The following LEO1 variants were observed in gnomAD, a reference collection of about 807,000 sequenced individuals.
LEO1 encodes the protein LEO1 component of Paf1/RNA polymerase II complex.
A neutral mutation model predicts 80.4 loss-of-function variants in LEO1; 34 were observed. The observed-to-expected ratio is 0.42, with a 90% confidence interval of 0.32 to 0.56. The LOEUF (loss-of-function observed/expected upper bound fraction) is 0.56. Ranked by LOEUF, LEO1 falls within the 20% of genes least tolerant of loss-of-function variation. The pLI, the probability that LEO1 is intolerant of heterozygous loss-of-function variation, is 0.10. For synonymous variants in LEO1, 262 were observed against 274.9 expected (o/e 0.95, Z 0.46); for missense variants, 631 against 814.2 (o/e 0.77, Z 2.74).
intron 6 of LEO1, among the ~76,000 whole-genome samples, chr15:51,956,824 A>T (rs2056993125): frequency 6.6e-6 from 1 of 152,122 alleles, no homozygotes. Context: ...ATACATATTT[A>T]TAAATTTTTT....
At chr15:51,958,706 A>G in intron 6 of LEO1, 36 bp downstream of exon 6, 1 of 1,358,414 alleles carries the variant, frequency 7.4e-7, no homozygotes, top group East Asian at 2.3e-5. Flanking sequence ...GTTTTACTTT[A>G]TAAAAGAAAA....
At chr15:51,952,814 A>G (rs2056959999) in intron 8 of LEO1, among the ~76,000 whole-genome samples, 1 of 152,232 alleles carries the variant, frequency 6.6e-6, no homozygotes. Flanking sequence ...AAAACAAAGG[A>G]CACACTGGCT....
chr15:51,963,372 GA>G (rs911482342), intron 2 of LEO1, among the ~76,000 whole-genome samples: 1 of 151,692 alleles, frequency 6.6e-6, no homozygotes, highest in Non-Finnish European at 1.5e-5. Flanking sequence ...AAATTTCAGG[GA>G]AAAAAAGGTA....
intron 11 of LEO1, among the ~76,000 whole-genome samples, chr15:51,939,137 A>G (rs1420444809): frequency 1.3e-5 from 2 of 152,248 alleles, no homozygotes; most frequent in Admixed American, 6.5e-5. Flanking sequence ...GTAAGCTGAG[A>G]TCGCACCACT....
In LEO1 at chr15:51,962,410, T is replaced by C. The variant is rs1432042883; in HGVS notation, c.898A>G (p.Ser300Gly). Residue 300 changes from serine to glycine, a missense_variant, in exon 3 of 12, where the codon AGT (serine) becomes GGT (glycine). Around this residue, in one of 4 missense-constraint regions of LEO1, gnomAD observed 394 missense variants for 395.6 expected, o/e 1.00. Transcript: ENST00000299601. ...ATACCTTTTGGCACCTCAGTGTCAC[T>C]ATCCGCTTCTGAATCAGATGCAATC... is the stretch of plus-strand genomic sequence containing the variant. ...NAIASDSEAD[S>G]DTEVPKDNSG... The C allele has an allele frequency of 6.2e-7, 1 of 1,612,036 alleles. No individual in the cohort carries two copies. Among genetic ancestry groups the C allele is most frequent in the Admixed American group, 1.7e-5 (1 of 60,000 alleles).
intron 3 of LEO1, among the ~76,000 whole-genome samples, chr15:51,961,674 G>A (rs922585573): frequency 7.3e-5 from 11 of 151,680 alleles, no homozygotes; most frequent in Admixed American, 1.3e-4. Context: ...GATTACAGGC[G>A]TGAGCCACTG....
chr15:51,956,695 C>T (rs988110449), intron 6 of LEO1, among the ~76,000 whole-genome samples: 1 of 152,138 alleles, frequency 6.6e-6, no homozygotes, highest in Admixed American at 6.6e-5. Flanking sequence ...TAGTCTTAAA[C>T]ATCACTCAAG....
intron 1 of LEO1, among the ~76,000 whole-genome samples, chr15:51,967,481 A>G (rs2057087264): frequency 1.3e-5 from 2 of 152,226 alleles, no homozygotes; most frequent in South Asian, 4.1e-4. Context: ...TCAAAAGAAT[A>G]AATAAATGAT....
chr15:51,968,056 C>T (rs922814893), intron 1 of LEO1, among the ~76,000 whole-genome samples: 15 of 151,678 alleles, frequency 9.9e-5, no homozygotes, highest in African/African-American at 2.9e-4. Context: ...TGGTGGCTTA[C>T]GCCTGTGAGC....
At chr15:51,944,769 ATG>A (rs1358045777) in intron 11 of LEO1, among the ~76,000 whole-genome samples, 1 of 152,178 alleles carries the variant, frequency 6.6e-6, no homozygotes, top group Admixed American at 6.5e-5. Flanking sequence ...CATATATACT[ATG>A]TGTAATAAAA....
chr15:51,971,322 C>T (rs1397828816), intron 1 of LEO1, among the ~76,000 whole-genome samples: 2 of 152,190 alleles, frequency 1.3e-5, no homozygotes, highest in Non-Finnish European at 2.9e-5. Context: ...CATTCATTTC[C>T]ATTCATTCAA....
chr15:51,956,989 G>A (rs555518407), intron 6 of LEO1, among the ~76,000 whole-genome samples: 34 of 152,062 alleles, frequency 2.2e-4, no homozygotes, highest in Admixed American at 2.0e-3. Flanking sequence ...ATCTCTGCTG[G>A]CTAATTTTTT....
In LEO1 at chr15:51,966,075, TCAG is replaced by T; in HGVS notation, c.485_487del (p.Ser162_Asp163delinsTyr). On this transcript the variant is annotated inframe_deletion, in exon 2 of 12. Transcript: ENST00000299601. ...AGATCCTTGTGCCCTCTCCTCATCATCAGAATTTTGTATCTTTTCATCATCTGA... is the reference window on the plus strand; with the variant it reads ...AGATCCTTGTGCCCTCTCCTCATCATAATTTTGTATCTTTTCATCATCTGA... The T allele has an allele frequency of 6.2e-7, 1 of 1,614,054 alleles. No individual in the cohort carries two copies. The highest frequency in any genetic ancestry group is 8.5e-7 in the Non-Finnish European group (1 of 1,180,024).
chr15:51,959,628 G>A (rs2057014939), intron 5 of LEO1, among the ~76,000 whole-genome samples: 1 of 152,094 alleles, frequency 6.6e-6, no homozygotes, highest in Non-Finnish European at 1.5e-5. Context: ...AGCCTTTTCA[G>A]GGTTGTACTA....
chr15:51,953,242 A>G lies in LEO1; in HGVS notation c.1362T>C (p.Asn454=). 6.2e-7 allele frequency: 1 copy of G among 1,613,634 alleles called. No homozygotes were observed. ...GGGCTTTGTACACATCAAACACTTC[A>G]TTGCCTAAATGCAGGGACATGCTGG... is the stretch of plus-strand genomic sequence containing the variant. The part of the protein sequence containing the change: ...SDGSMSLHLG[N]EVFDVYKAPL... The change falls in exon 8 of 12, where the codon AAT becomes AAC. Residue 454 remains asparagine (N), a synonymous_variant. Coordinates refer to ENST00000299601, the MANE Select transcript of LEO1 (RefSeq NM_138792.4).
At chr15:51,940,158 G>C (rs917355850) in intron 11 of LEO1, among the ~76,000 whole-genome samples, 3 of 151,254 alleles carry the variant, frequency 2.0e-5, no homozygotes, top group South Asian at 2.1e-4. Flanking sequence ...AGGAGGCTGA[G>C]GCAGGAGAAT....
intron 3 of LEO1, among the ~76,000 whole-genome samples, chr15:51,961,561 G>A (rs1052370209): frequency 2.0e-5 from 3 of 151,766 alleles, no homozygotes; most frequent in Non-Finnish European, 2.9e-5. Flanking sequence ...CCCCGCTAAT[G>A]TTTTGTATTT....
rs889749505 is a variant in LEO1, at chr15:51,938,858, T to G, written c.1897-598A>C. Among the ~76,000 whole-genome samples the G allele has an allele frequency of 6.6e-5, 10 of 152,324 alleles. 1 individual carries two copies. Among genetic ancestry groups the G allele is most frequent in the Middle Eastern group, 6.8e-3 (2 of 294 alleles). ...GATAGAATTTGAACATGTCAGTATC[T>G]AAATATCAAATACTGATTAAAACAA... On this transcript the variant is annotated intron_variant, in intron 11 of 11. Transcript: ENST00000299601.
At chr15:51,951,510 T>C (rs1193122204) in intron 9 of LEO1, among the ~76,000 whole-genome samples, 1 of 152,228 alleles carries the variant, frequency 6.6e-6, no homozygotes, top group Non-Finnish European at 1.5e-5. Flanking sequence ...CTCTCTAGTA[T>C]CTCCACTGAC....
Sources: gnomAD v4.1 joint callset for allele counts (sites outside exome capture counted in the v4.1 genomes callset) on GRCh38, gnomAD v4.1.1 for gene constraint, gnomAD v4.1.1 regional missense constraint, MANE v1.5 for transcripts, NCBI Gene and HGNC (gene_info 2026-07-23, HGNC 2026-07-21) for gene names.